The following BPNT2 variants were observed in gnomAD, a reference collection of about 807,000 sequenced individuals.
The protein encoded by BPNT2 is 3'(2'), 5'-bisphosphate nucleotidase 2.
BPNT2 carries 11 observed loss-of-function variants against 29.3 expected under a neutral mutation model. The ratio of observed to expected loss-of-function variants is 0.38; its 90% CI spans 0.24 to 0.62. The LOEUF is 0.62. Among genes scored for constraint, BPNT2 ranks in the 20% least tolerant of loss-of-function variants. The probability of loss-of-function intolerance (pLI) is 0.62; values close to 1 mark genes in which losing one functional copy is unlikely to be tolerated. For synonymous variants in BPNT2, 195 were observed against 187.7 expected (o/e 1.04, Z -0.32); for missense variants, 459 against 473.4 (o/e 0.97, Z 0.28).
In BPNT2 at chr8:56,963,834, C is replaced by G; in HGVS notation, c.1039G>C (p.Val347Leu). The G allele has an allele frequency of 6.2e-7, 1 of 1,614,122 alleles. No individual in the cohort carries two copies. Residue 347 changes from valine to leucine, a missense_variant, in exon 5 of 5, where the codon GTC (valine) becomes CTC (leucine). Val to Leu is a conservative substitution (Grantham distance 32). Coordinates refer to ENST00000262644, the MANE Select transcript of BPNT2 (RefSeq NM_017813.5). Reference protein sequence around the residue: ...ASIRMNHQALVRKLPDLEKTG... With the variant: ...ASIRMNHQALLRKLPDLEKTG... ...TTTTCTAGATCTGGGAGTTTTCTGACCAGGGCCTGGTGGTTCATTCTGATG... is the reference window on the plus strand; with the variant it reads ...TTTTCTAGATCTGGGAGTTTTCTGAGCAGGGCCTGGTGGTTCATTCTGATG...
At chr8:56,965,093 G>A (rs1422586781) in intron 4 of BPNT2, among the ~76,000 whole-genome samples, 1 of 152,186 alleles carries the variant, frequency 6.6e-6, no homozygotes, top group Non-Finnish European at 1.5e-5. Context: ...GCCACAGCAA[G>A]CAGACTGCCT....
At chr8:56,992,617 A>AG (rs1334988941) in intron 1 of BPNT2, among the ~76,000 whole-genome samples, 1 of 152,068 alleles carries the variant, frequency 6.6e-6, no homozygotes, top group Non-Finnish European at 1.5e-5. Context: ...GTACCTCCTT[A>AG]AAGGGCCCGC....
chr8:56,992,328 C>T (rs1054853220), intron 1 of BPNT2, among the ~76,000 whole-genome samples: 19 of 152,160 alleles, frequency 1.2e-4, no homozygotes, highest in African/African-American at 4.3e-4. Flanking sequence ...TAAGGTGCTG[C>T]TACGCTATGC....
chr8:56,964,113 AAGT>A (rs1206486504), intron 4 of BPNT2, 49 bp from the exon 5 acceptor site: 1 of 1,366,922 alleles, frequency 7.3e-7, no homozygotes, highest in Non-Finnish European at 1.0e-6. Context: ...AATTTTAAGA[AAGT>A]AGCATACTTT....
intron 3 of BPNT2, among the ~76,000 whole-genome samples, chr8:56,974,632 A>G (rs1806099402): frequency 6.6e-6 from 1 of 152,146 alleles, no homozygotes; most frequent in Non-Finnish European, 1.5e-5. Flanking sequence ...ATAATTCTAA[A>G]CGTATTGATT....
chr8:56,967,567 C>T (rs1805972124), intron 3 of BPNT2, among the ~76,000 whole-genome samples: 1 of 152,046 alleles, frequency 6.6e-6, no homozygotes, highest in African/African-American at 2.4e-5. Context: ...CAGGATTTCT[C>T]CCCAGAAGGA....
In BPNT2 at chr8:56,993,187, G is replaced by T. The variant is rs1286899150; in HGVS notation, c.387+12C>A. On this transcript the variant is annotated intron_variant, in intron 1 of 4. Coordinates refer to ENST00000262644, the MANE Select transcript of BPNT2 (RefSeq NM_017813.5). ...CCCGGCTCGAGTGGGCGCTCCGCCC[G>T]TGGGCTCCCACCTGGACGCTGGGGA... The T allele has an allele frequency of 2.5e-6, 4 of 1,593,328 alleles. 1 individual carries two copies. In the South Asian group the frequency reaches 4.4e-5, roughly 18 times the overall value.
intron 1 of BPNT2, among the ~76,000 whole-genome samples, chr8:56,987,462 C>G (rs1806345468): frequency 1.3e-5 from 2 of 152,310 alleles, no homozygotes; most frequent in South Asian, 4.1e-4. Context: ...GCCCCTTCTT[C>G]TGCCTTACTG....
At chr8:56,968,426 T>C (rs1432229183) in intron 3 of BPNT2, among the ~76,000 whole-genome samples, 1 of 148,538 alleles carries the variant, frequency 6.7e-6, no homozygotes, top group African/African-American at 2.5e-5. Context: ...AACATACATA[T>C]ATAAGGAGTC....
intron 3 of BPNT2, among the ~76,000 whole-genome samples, chr8:56,977,060 T>C (rs192213075): frequency 6.6e-5 from 10 of 152,292 alleles, no homozygotes; most frequent in Non-Finnish European, 2.9e-5. Flanking sequence ...GTAAACAAGC[T>C]ATATATGAAA....
intron 3 of BPNT2, chr8:56,967,360 C>A: frequency 2.4e-6 from 1 of 413,710 alleles, no homozygotes. Context: ...AATACCCATG[C>A]TCTGTACCTA....
At chr8:56,977,718 CAGAG>C (rs1806166610) in intron 3 of BPNT2, among the ~76,000 whole-genome samples, 1 of 152,086 alleles carries the variant, frequency 6.6e-6, no homozygotes, top group South Asian at 2.1e-4. Flanking sequence ...CACAGACACA[CAGAG>C]AGAATGCCAT....
At chr8:56,986,728 A>G (rs1478953653) in intron 1 of BPNT2, among the ~76,000 whole-genome samples, 7 of 152,226 alleles carry the variant, frequency 4.6e-5, no homozygotes, top group African/African-American at 1.7e-4. Flanking sequence ...TCTAACACAA[A>G]GCCTAATTCA....
At chr8:56,992,695 C>G (rs566439747) in intron 1 of BPNT2, among the ~76,000 whole-genome samples, 4 of 147,132 alleles carry the variant, frequency 2.7e-5, no homozygotes, top group African/African-American at 5.1e-5. Flanking sequence ...CCCACCCCCC[C>G]ACCCCGACTC....
rs1049137765 is a variant in BPNT2, at chr8:56,958,832, A to G, written c.*4961T>C. 2 of 152,330 alleles carry G rather than the reference A, an allele frequency of 1.3e-5. No homozygotes were observed. The highest frequency in any genetic ancestry group is 1.9e-4 in the East Asian group (1 of 5,174). 9.4% of individuals were successfully genotyped at this position (152,330 alleles called of 1,614,324 possible). On this transcript the variant is annotated 3_prime_UTR_variant, in exon 5 of 5. Transcript: ENST00000262644. ...GCTTTGGCTACTGCCGGTAGTGGAC[A>G]ATATGGCACATGGAAATTAAAAAGT...
chr8:56,962,681 G>A lies in BPNT2; in HGVS notation c.*1112C>T, dbSNP rs995462662. ...CTATTTTAATCTGAGGGGAAATTAA[G>A]AGAATCTCAAAAGTTACTACAGAGT... On this transcript the variant is annotated 3_prime_UTR_variant, in exon 5 of 5. Transcript: ENST00000262644. 3 of 151,960 alleles carry A rather than the reference G, an allele frequency of 2.0e-5. No individual in the cohort carries two copies. The highest frequency in any genetic ancestry group is 6.6e-5 in the Admixed American group (1 of 15,256). The allele number at this position is 151,960 out of a possible 1,614,324, so 9.4% of individuals were successfully genotyped here.
intron 1 of BPNT2, among the ~76,000 whole-genome samples, chr8:56,991,598 TA>T (rs1181037800): frequency 6.6e-6 from 1 of 152,252 alleles, no homozygotes; most frequent in Non-Finnish European, 1.5e-5. Context: ...ATAGTTCATA[TA>T]AGCTGGAGTG....
Position 56,964,015 on chromosome 8 carries a change from T to A in BPNT2, c.858A>T (p.Lys286Asn). Reference protein sequence around the residue: ...LLDVPDKSQEKADLYIHVTYI... With the variant: ...LLDVPDKSQENADLYIHVTYI... Reference sequence around the variant, plus strand: ...ATGTCACATGGATGTATAAATCAGCTTTTTCTTGACTCTTATCAGGCACAT... The same window carrying A: ...ATGTCACATGGATGTATAAATCAGCATTTTCTTGACTCTTATCAGGCACAT... Residue 286 changes from lysine to asparagine, a missense_variant, in exon 5 of 5, where the codon AAA becomes AAT. Transcript: ENST00000262644. 1 of 1,608,716 alleles carries A rather than the reference T, an allele frequency of 6.2e-7. No homozygotes were observed. Among genetic ancestry groups the A allele is most frequent in the Non-Finnish European group, 8.5e-7 (1 of 1,176,644 alleles).
intron 1 of BPNT2, among the ~76,000 whole-genome samples, chr8:56,991,965 GA>G (rs530680033): frequency 1.7e-4 from 25 of 148,316 alleles, no homozygotes; most frequent in African/African-American, 3.2e-4. Context: ...GTAGAAATTT[GA>G]AAAAAAAAAT....
Sources: allele counts gnomAD v4.1 joint callset (sites outside exome capture counted in the v4.1 genomes callset), GRCh38; gene constraint gnomAD v4.1.1; transcripts MANE v1.5; gene names NCBI Gene and HGNC (gene_info 2026-07-23, HGNC 2026-07-21).